Variants in TEK observed in about 807,000 individuals in gnomAD.
The protein encoded by TEK is TEK receptor tyrosine kinase.
TEK carries 43 observed loss-of-function variants against 131.8 expected under a neutral mutation model. The ratio of observed to expected loss-of-function variants is 0.33; its 90% CI spans 0.26 to 0.42. The LOEUF (loss-of-function observed/expected upper bound fraction) is 0.42. Among genes scored for constraint, TEK ranks in the 10% least tolerant of loss-of-function variants. The pLI is 1.00. For missense variants in TEK, 1,162 were observed against 1,384.4 expected (o/e 0.84, Z 2.55); for synonymous variants, 580 against 491.6 (o/e 1.18, Z -2.38).
intron 10 of TEK, among the ~76,000 whole-genome samples, chr9:27,191,686 A>G (rs1824828992): frequency 6.6e-6 from 1 of 152,178 alleles, no homozygotes; most frequent in South Asian, 2.1e-4. Context: ...TGAGTCCTTC[A>G]CATACTATTG....
chr9:27,229,250 C>G lies in TEK; in HGVS notation c.*18C>G, dbSNP rs1164279657. The G allele has an allele frequency of 1.9e-6, 3 of 1,611,920 alleles. No homozygotes were observed. The South Asian group carries it at 3.3e-5, about 18-fold the overall frequency. ...CGGCCTAGGACAGAACATCTGTATACCCTCTGTTTCCCTTTCACTGGCATG... is the reference window on the plus strand; with the variant it reads ...CGGCCTAGGACAGAACATCTGTATAGCCTCTGTTTCCCTTTCACTGGCATG... On this transcript the variant is annotated 3_prime_UTR_variant, in exon 23 of 23. Transcript: ENST00000380036.
intron 19 of TEK, 57 bp downstream of exon 19, chr9:27,217,815 T>C (rs1825873040): frequency 6.8e-7 from 1 of 1,459,906 alleles, no homozygotes; most frequent in Non-Finnish European, 9.6e-7. Flanking sequence ...ACATATACAT[T>C]TGACAGAGGT....
intron 2 of TEK, among the ~76,000 whole-genome samples, chr9:27,159,294 G>A (rs947789454): frequency 6.6e-6 from 1 of 152,144 alleles, no homozygotes; most frequent in Non-Finnish European, 1.5e-5. Context: ...ATGTACATGA[G>A]ATGTAGACAT....
At chr9:27,190,902 C>A (rs1350149174) in intron 10 of TEK, among the ~76,000 whole-genome samples, 1 of 152,084 alleles carries the variant, frequency 6.6e-6, no homozygotes, top group African/African-American at 2.4e-5. Context: ...CGCTCTAGAA[C>A]ACAGAACCAG....
At chr9:27,113,599 TAAA>T in intron 1 of TEK, among the ~76,000 whole-genome samples, 1 of 151,780 alleles carries the variant, frequency 6.6e-6, no homozygotes. Flanking sequence ...TAAAATAAAA[TAAA>T]ATAAAATAAA....
chr9:27,189,250 T>C (rs1360054585), intron 9 of TEK, among the ~76,000 whole-genome samples: 3 of 152,138 alleles, frequency 2.0e-5, no homozygotes, highest in Non-Finnish European at 4.4e-5. Flanking sequence ...TACACAGTCT[T>C]TGCCCTAATG....
intron 22 of TEK, 22 bp from the exon 23 acceptor site, chr9:27,229,136 T>A: frequency 1.2e-6 from 2 of 1,612,688 alleles, no homozygotes; most frequent in South Asian, 2.2e-5. Flanking sequence ...CCTATGTCTC[T>A]GAACCATTTT....
At position 27,158,097 on chromosome 9, in the gene TEK, C is replaced by T. The variant is rs1823405538; in HGVS notation, c.319C>T (p.Arg107Ter). The change falls in exon 2 of 23, where the codon CGA becomes TGA. Residue 107 changes from arginine to a stop codon, truncating the protein, a stop_gained. Transcript: ENST00000380036. LOFTEE classifies it high-confidence loss of function. ...NGAYFCEGRV[R>*]GEAIRIRTMK... ...TGCTTATTTCTGTGAAGGGCGAGTTCGAGGAGAGGCAATCAGGATACGAAC... is the reference window on the plus strand; with the variant it reads ...TGCTTATTTCTGTGAAGGGCGAGTTTGAGGAGAGGCAATCAGGATACGAAC... The T allele has an allele frequency of 6.2e-7, 1 of 1,613,868 alleles. No homozygotes were observed. The highest frequency in any genetic ancestry group is 8.5e-7 in the Non-Finnish European group (1 of 1,179,998).
At chr9:27,174,720 G>GC (rs1444398208) in intron 6 of TEK, among the ~76,000 whole-genome samples, 2 of 152,010 alleles carry the variant, frequency 1.3e-5, no homozygotes, top group African/African-American at 4.8e-5. Context: ...TGCTATGTCT[G>GC]CCCCCCGGAA....
chr9:27,173,466 C>T (rs879119842), intron 6 of TEK, 104 bp downstream of exon 6: 105 of 1,365,872 alleles, frequency 7.7e-5, no homozygotes, highest in Middle Eastern at 2.5e-4. Context: ...GACTGCTTAG[C>T]TACCCACTAC....
At chr9:27,179,051 TTCTC>T (rs1264298431) in intron 6 of TEK, among the ~76,000 whole-genome samples, 5 of 152,198 alleles carry the variant, frequency 3.3e-5, no homozygotes, top group Admixed American at 6.5e-5. Flanking sequence ...GTCTAACCCT[TTCTC>T]TCTGGTCCTT....
Position 27,109,635 on chromosome 9 carries a change from C to T in TEK, c.45C>T (p.Leu15=), listed in dbSNP as rs1405382976. The T allele has an allele frequency of 6.2e-7, 1 of 1,613,976 alleles. No individual in the cohort carries two copies. Among genetic ancestry groups the T allele is most frequent in the Non-Finnish European group, 8.5e-7 (1 of 1,179,970 alleles). ...ASLVLCGVSL[L]LSGTVEGAMD... is the part of the protein sequence containing the mutation. ...TAGTTCTCTGTGGAGTCAGCTTGCT[C>T]CTTTCTGGTAAGGTTTGGCTTTATT... Residue 15 remains leucine, a synonymous_variant, in exon 1 of 23, where the codon CTC becomes CTT. Transcript: ENST00000380036.
intron 1 of TEK, among the ~76,000 whole-genome samples, chr9:27,135,461 G>A (rs1822388652): frequency 6.6e-6 from 1 of 151,826 alleles, no homozygotes; most frequent in African/African-American, 2.4e-5. Flanking sequence ...AAAATTTTAG[G>A]GAATCACAAA....
At chr9:27,151,029 C>T (rs1219645297) in intron 1 of TEK, among the ~76,000 whole-genome samples, 4 of 152,166 alleles carry the variant, frequency 2.6e-5, no homozygotes, top group Non-Finnish European at 1.5e-5. Flanking sequence ...AGTCACAGCC[C>T]AGTCACATCC....
intron 1 of TEK, among the ~76,000 whole-genome samples, chr9:27,143,671 A>G (rs185586474): frequency 6.6e-6 from 1 of 151,330 alleles, no homozygotes; most frequent in East Asian, 1.9e-4. Context: ...CCAGAACAAC[A>G]TATATATATA....
In TEK at chr9:27,217,732, CA is replaced by C; in HGVS notation, c.3037del (p.Ser1013ValfsTer22). 1 of 1,613,932 alleles carries C rather than the reference CA, an allele frequency of 6.2e-7. No homozygotes were observed. Among genetic ancestry groups the C allele is most frequent in the Non-Finnish European group, 8.5e-7 (1 of 1,179,882 alleles). Reference sequence around the variant, plus strand: ...GGATGGCCATCGAGTCACTGAATTACAGTGTGTACACAACCAACAGTGATGT... The same window carrying C: ...GGATGGCCATCGAGTCACTGAATTACGTGTGTACACAACCAACAGTGATGT... Reference protein sequence around the residue: ...RWMAIESLNYSVYTTNSDVWS... With the variant: ...RWMAIESLNYXVYTTNSDVWS... On this transcript the variant is annotated frameshift_variant, in exon 19 of 23. Coordinates refer to ENST00000380036, the MANE Select transcript of TEK (RefSeq NM_000459.5). LOFTEE classifies it high-confidence loss of function.
In TEK at chr9:27,173,182, C is replaced by T. The variant is rs666478; in HGVS notation, c.761-40C>T. 0.51 allele frequency: 815,485 copies of T among 1,608,754 alleles called. 209,668 individuals are homozygous for T. Among genetic ancestry groups the T allele is most frequent in the Admixed American group, 0.55 (32,748 of 59,880 alleles). On this transcript the variant is annotated intron_variant, in intron 5 of 22. Coordinates refer to ENST00000380036, the MANE Select transcript of TEK (RefSeq NM_000459.5). ...AAGAATTATGTATTTCAAGGGGTTG[C>T]ATATTTGACTCTGAATCATCTTTTC...
At position 27,228,263 on chromosome 9, in the gene TEK, C is replaced by T. The variant is rs1473213626; in HGVS notation, c.3258C>T (p.Ala1086=). Reference sequence around the variant, plus strand: ...AGCCTTATGAGAGGCCATCATTTGCCCAGATATTGGTGTCCTTAAACAGAA... The same window carrying T: ...AGCCTTATGAGAGGCCATCATTTGCTCAGATATTGGTGTCCTTAAACAGAA... ...REKPYERPSF[A]QILVSLNRML... The change falls in exon 22 of 23, where the codon GCC becomes GCT. Residue 1086 remains alanine (A), a synonymous_variant. Coordinates refer to ENST00000380036, the MANE Select transcript of TEK (RefSeq NM_000459.5). 2 of 1,612,812 alleles carry T rather than the reference C, an allele frequency of 1.2e-6. No homozygotes were observed. Among genetic ancestry groups the T allele is most frequent in the East Asian group, 2.2e-5 (1 of 44,856 alleles).
chr9:27,193,542 T>G (rs1408298067), intron 11 of TEK, among the ~76,000 whole-genome samples: 1 of 152,202 alleles, frequency 6.6e-6, no homozygotes, highest in Non-Finnish European at 1.5e-5. Context: ...ACCTCCAGCT[T>G]TCTGTTACCC....
Sources: gnomAD v4.1 joint callset for allele counts (sites outside exome capture counted in the v4.1 genomes callset) on GRCh38, gnomAD v4.1.1 for gene constraint, MANE v1.5 for transcripts, NCBI Gene and HGNC (gene_info 2026-07-23, HGNC 2026-07-21) for gene names.